TRPS1: variants seen among roughly 807,000 people sequenced by gnomAD.
The protein encoded by TRPS1 is transcriptional repressor GATA binding 1, also known as zinc finger transcription factor Trps1.
In TRPS1, 6 loss-of-function variants were observed where a neutral mutation model predicts 101.2. The observed-to-expected ratio is 0.06, with a 90% CI of 0.03 to 0.12. The LOEUF is 0.12. Ranked by LOEUF, TRPS1 falls within the 10% of genes least tolerant of loss-of-function variation. The probability of loss-of-function intolerance (pLI) is 1.00; values close to 1 mark genes in which losing one functional copy is unlikely to be tolerated. For synonymous variants in TRPS1, 578 were observed against 589.8 expected, an observed-to-expected ratio of 0.98 and a Z score of 0.29; for missense variants, 1,363 against 1,567.0, an observed-to-expected ratio of 0.87 and a Z score of 2.20.
chr8:115,628,640 T>G (rs765507026), intron 1 of TRPS1, among the ~76,000 whole-genome samples: 25 of 151,718 alleles, frequency 1.6e-4, no homozygotes, highest in Non-Finnish European at 3.2e-4. Flanking sequence ...TAATTTGGAG[T>G]TGGATAAGTA....
intron 5 of TRPS1, among the ~76,000 whole-genome samples, chr8:115,543,289 G>A (rs1361653013): frequency 6.6e-6 from 1 of 152,150 alleles, no homozygotes; most frequent in Non-Finnish European, 1.5e-5. Flanking sequence ...AAACTAAATT[G>A]TGGCTATGTC....
At chr8:115,638,268 A>G (rs1375498342) in intron 1 of TRPS1, among the ~76,000 whole-genome samples, 2 of 151,590 alleles carry the variant, frequency 1.3e-5, no homozygotes, top group Non-Finnish European at 2.9e-5. Context: ...ATGACTTGCC[A>G]TCCAGACAGA....
At chr8:115,613,988 G>A (rs1291747573) in intron 3 of TRPS1, among the ~76,000 whole-genome samples, 5 of 152,148 alleles carry the variant, frequency 3.3e-5, no homozygotes, top group African/African-American at 1.2e-4. Flanking sequence ...GCCTGATGAA[G>A]AATTCAAGAC....
chr8:115,498,090 A>G (rs185509492), intron 5 of TRPS1, among the ~76,000 whole-genome samples: 23 of 152,172 alleles, frequency 1.5e-4, no homozygotes, highest in Non-Finnish European at 2.6e-4. Flanking sequence ...TACAAAAGAA[A>G]TTATAGGCTG....
At chr8:115,506,988 T>G (rs1351745) in intron 5 of TRPS1, among the ~76,000 whole-genome samples, 92,668 of 151,906 alleles carry the variant, frequency 0.61, 28,692 homozygotes, top group East Asian at 0.84. Context: ...AAAAGAATGA[T>G]TTGGGTTAAA....
intron 4 of TRPS1, among the ~76,000 whole-genome samples, chr8:115,593,003 A>G (rs547963325): frequency 6.6e-6 from 1 of 152,026 alleles, no homozygotes; most frequent in African/African-American, 2.4e-5. Flanking sequence ...TTTTTTTAAG[A>G]AACGAGGTCT....
At chr8:115,595,578 G>A (rs959705293) in intron 4 of TRPS1, among the ~76,000 whole-genome samples, 1 of 151,772 alleles carries the variant, frequency 6.6e-6, no homozygotes, top group African/African-American at 2.4e-5. Context: ...TCAAGTGGTA[G>A]AAAAAACACT....
At chr8:115,617,162 C>CT (rs1818293375) in intron 3 of TRPS1, among the ~76,000 whole-genome samples, 1 of 152,134 alleles carries the variant, frequency 6.6e-6, no homozygotes, top group Admixed American at 6.5e-5. Context: ...CCACAGATTA[C>CT]TTTTTTCTAT....
chr8:115,418,219 C>G lies in TRPS1; in HGVS notation c.2823+111G>C. On this transcript the variant is annotated intron_variant, in intron 6 of 6. Coordinates refer to ENST00000395715, the MANE Select transcript of TRPS1 (RefSeq NM_014112.5). This position sits in a 1 kb window ranked among gnomAD's most constrained non-coding sequence, Gnocchi z 4.3. ...TGCACTCAAAGTGACTGTATTAAAA[C>G]AACCCTGCGGGGGCAGGCACTGCAA... 2 of 1,584,448 alleles carry G rather than the reference C, an allele frequency of 1.3e-6. No individual in the cohort carries two copies. The highest frequency in any genetic ancestry group is 1.7e-6 in the Non-Finnish European group (2 of 1,156,562).
At chr8:115,663,372 G>T (rs1419376797) in intron 1 of TRPS1, among the ~76,000 whole-genome samples, 1 of 151,694 alleles carries the variant, frequency 6.6e-6, no homozygotes, top group Non-Finnish European at 1.5e-5. Flanking sequence ...ACGTCAGTTG[G>T]TTTAAAGAAA....
intron 5 of TRPS1, among the ~76,000 whole-genome samples, chr8:115,505,428 A>G (rs1001668887): frequency 6.6e-6 from 1 of 152,016 alleles, no homozygotes; most frequent in Non-Finnish European, 1.5e-5. Flanking sequence ...GGGAAAACCT[A>G]TGCGCTAAAA....
At chr8:115,668,024 AGACAGC>A in intron 1 of TRPS1, 3 of 929,224 alleles carry the variant, frequency 3.2e-6, no homozygotes, top group Non-Finnish European at 4.9e-6. Context: ...AGCCAGAAAG[AGACAGC>A]GAGGGGGAGT....
At chr8:115,580,485 G>A (rs1193967863) in intron 5 of TRPS1, among the ~76,000 whole-genome samples, 4 of 151,892 alleles carry the variant, frequency 2.6e-5, no homozygotes, top group Admixed American at 6.6e-5. Flanking sequence ...GCCACCTTCT[G>A]TATACTCTTC....
chr8:115,650,240 T>G (rs1811529247), intron 1 of TRPS1, among the ~76,000 whole-genome samples: 1 of 152,208 alleles, frequency 6.6e-6, no homozygotes, highest in Admixed American at 6.5e-5. Context: ...AATCCAACTA[T>G]CTCTTTCAAA....
chr8:115,462,485 G>A (rs774054633), intron 5 of TRPS1, among the ~76,000 whole-genome samples: 1 of 152,096 alleles, frequency 6.6e-6, no homozygotes, highest in Non-Finnish European at 1.5e-5. Flanking sequence ...ATTGAATGGT[G>A]CAAATTAAGC....
intron 3 of TRPS1, among the ~76,000 whole-genome samples, chr8:115,606,525 T>C (rs1017927321): frequency 6.6e-6 from 1 of 152,120 alleles, no homozygotes; most frequent in Non-Finnish European, 1.5e-5. Flanking sequence ...CCCAATCACA[T>C]AGATTTCAGT....
intron 5 of TRPS1, among the ~76,000 whole-genome samples, chr8:115,556,201 C>T (rs1213107003): frequency 6.6e-6 from 1 of 152,074 alleles, no homozygotes; most frequent in East Asian, 1.9e-4. Flanking sequence ...GCAATTATTG[C>T]TTCCCCCTGA....
intron 3 of TRPS1, among the ~76,000 whole-genome samples, chr8:115,613,010 C>A (rs545798837): frequency 6.6e-6 from 1 of 152,172 alleles, no homozygotes; most frequent in South Asian, 2.1e-4. Context: ...GGAAAAAAAA[C>A]AACCTAAATT....
intron 5 of TRPS1, among the ~76,000 whole-genome samples, chr8:115,572,794 C>T (rs887143492): frequency 2.0e-5 from 3 of 152,090 alleles, no homozygotes; most frequent in African/African-American, 7.2e-5. Flanking sequence ...CATTATTTTA[C>T]CCTCACAGAA....
Sources: gnomAD v4.1 joint callset for allele counts (sites outside exome capture counted in the v4.1 genomes callset) on GRCh38, gnomAD v4.1.1 for gene constraint, Gnocchi (gnomAD v3.1) non-coding constraint, MANE v1.5 for transcripts, NCBI Gene and HGNC (gene_info 2026-07-23, HGNC 2026-07-21) for gene names.